Variants in DISC1 observed in about 807,000 individuals in gnomAD.
DISC1 encodes the protein disrupted in schizophrenia 1 protein.
Under a neutral mutation model 84.5 loss-of-function variants are expected in DISC1, and 57 were observed. The ratio of observed to expected loss-of-function variants is 0.67; its 90% CI spans 0.55 to 0.84. The LOEUF (loss-of-function observed/expected upper bound fraction) is 0.84. Among genes scored for constraint, DISC1 ranks in the 40% least tolerant of loss-of-function variants. The pLI is 0.00. For synonymous variants in DISC1, 411 were observed against 415.2 expected (o/e 0.99, Z 0.12); for missense variants, 1,000 against 1,057.8 (o/e 0.95, Z 0.76).
rs1201630832 is a variant in DISC1 at position 231,826,227 on chromosome 1, G to T, written c.1981+7710G>T. On this transcript the variant is annotated intron_variant, in intron 9 of 12. Coordinates refer to ENST00000439617, the MANE Select transcript of DISC1 (RefSeq NM_018662.3). The surrounding 1 kb of genome is among the most constrained non-coding windows in gnomAD (Gnocchi z 4.2). ...CTGTCACAGAGCCTTCAGGGGGCAA[G>T]GCCACCATCTGAATCCCTCTTACCT... Among the ~76,000 whole-genome samples, 1 of 152,160 alleles carries T rather than the reference G, an allele frequency of 6.6e-6. No homozygotes were observed. Among genetic ancestry groups the T allele is most frequent in the African/African-American group, 2.4e-5 (1 of 41,428 alleles).
intron 3 of DISC1, among the ~76,000 whole-genome samples, chr1:231,741,954 A>C (rs2073336950): frequency 6.6e-6 from 1 of 152,082 alleles, no homozygotes; most frequent in African/African-American, 2.4e-5. Context: ...CTGCTCTTTT[A>C]CAATGTGTTC....
chr1:231,950,265 G>A (rs1196712321), intron 9 of DISC1, among the ~76,000 whole-genome samples: 1 of 146,280 alleles, frequency 6.8e-6, no homozygotes, highest in African/African-American at 2.5e-5. Flanking sequence ...ATATTTCAGG[G>A]AAATAACAGG....
chr1:231,756,504 A>G (rs957076591), intron 4 of DISC1, among the ~76,000 whole-genome samples: 5 of 148,240 alleles, frequency 3.4e-5, no homozygotes, highest in African/African-American at 1.2e-4. Context: ...TCACAAACGT[A>G]TATGTGAATA....
At chr1:231,711,203 G>A (rs2067779086) in intron 3 of DISC1, among the ~76,000 whole-genome samples, 1 of 151,668 alleles carries the variant, frequency 6.6e-6, no homozygotes, top group African/African-American at 2.4e-5. Flanking sequence ...ATGCCATGGT[G>A]GACAAACTAT....
chr1:231,693,593 C>T (rs2065296474), intron 1 of DISC1, among the ~76,000 whole-genome samples: 1 of 152,220 alleles, frequency 6.6e-6, no homozygotes, highest in African/African-American at 2.4e-5. Context: ...AGCTGCTCTG[C>T]TAAACCGAGG....
chr1:231,725,937 G>A (rs2070620768), intron 3 of DISC1, among the ~76,000 whole-genome samples: 1 of 152,092 alleles, frequency 6.6e-6, no homozygotes, highest in South Asian at 2.1e-4. Flanking sequence ...GCATTGTTAG[G>A]GAGTGGCAGA....
chr1:231,717,278 A>C (rs763238607), intron 3 of DISC1, among the ~76,000 whole-genome samples: 1 of 152,240 alleles, frequency 6.6e-6, no homozygotes, highest in Non-Finnish European at 1.5e-5. Flanking sequence ...GAAGGTTAAC[A>C]AGGTCTTCAG....
At chr1:231,854,021 C>G (rs1172842609) in intron 9 of DISC1, among the ~76,000 whole-genome samples, 1 of 152,236 alleles carries the variant, frequency 6.6e-6, no homozygotes, top group Non-Finnish European at 1.5e-5. Context: ...GGCCAAGCTG[C>G]TCACCCACCT....
chr1:231,955,773 A>G (rs2102735724), intron 9 of DISC1, among the ~76,000 whole-genome samples: 1 of 152,278 alleles, frequency 6.6e-6, no homozygotes, highest in African/African-American at 2.4e-5. Flanking sequence ...TACAGGTGTG[A>G]GCTACCGCAC....
chr1:231,944,783 A>C (rs953720284), intron 9 of DISC1: 4 of 152,158 alleles, frequency 2.6e-5, no homozygotes, highest in Admixed American at 2.6e-4. Context: ...AAGAAGCGGA[A>C]GTTACAATCC....
chr1:231,695,346 G>A (rs1267129932), intron 2 of DISC1, among the ~76,000 whole-genome samples: 1 of 152,172 alleles, frequency 6.6e-6, no homozygotes, highest in Non-Finnish European at 1.5e-5. Context: ...CAACTCATAG[G>A]ATTGTTCTAA....
At chr1:231,638,919 T>C (rs952991206) in intron 1 of DISC1, among the ~76,000 whole-genome samples, 1 of 152,210 alleles carries the variant, frequency 6.6e-6, no homozygotes, top group Admixed American at 6.5e-5. Context: ...TGTCTTTGTA[T>C]TAGTCTGGGG....
chr1:231,832,865 A>C (rs1201970023), intron 9 of DISC1, among the ~76,000 whole-genome samples: 2 of 145,500 alleles, frequency 1.4e-5, no homozygotes, highest in Admixed American at 6.9e-5. Context: ...AATTATAAGG[A>C]GAGTTTATAG....
intron 10 of DISC1, among the ~76,000 whole-genome samples, chr1:232,005,752 G>A (rs1667344996): frequency 6.6e-6 from 1 of 152,136 alleles, no homozygotes; most frequent in African/African-American, 2.4e-5. Context: ...CAGAGAACTG[G>A]AATATATAAA....
At chr1:231,882,298 CTTCT>C in intron 9 of DISC1, among the ~76,000 whole-genome samples, 1 of 152,204 alleles carries the variant, frequency 6.6e-6, no homozygotes, top group East Asian at 1.9e-4. Flanking sequence ...AAGAAGCATC[CTTCT>C]TTCAGCTGGA....
chr1:231,825,880 T>C (rs567942580), intron 9 of DISC1, among the ~76,000 whole-genome samples: 9 of 152,386 alleles, frequency 5.9e-5, no homozygotes, highest in African/African-American at 2.2e-4. Flanking sequence ...ATAAGTTCTT[T>C]GCAGATTTCT....
chr1:231,728,839 C>CAT (rs942166702), intron 3 of DISC1, among the ~76,000 whole-genome samples: 135 of 152,022 alleles, frequency 8.9e-4, no homozygotes, highest in African/African-American at 2.7e-3. Flanking sequence ...TTTATAGAGG[C>CAT]ATATATATAT....
At chr1:231,922,660 C>G (rs906472642) in intron 9 of DISC1, among the ~76,000 whole-genome samples, 1 of 151,620 alleles carries the variant, frequency 6.6e-6, no homozygotes, top group Non-Finnish European at 1.5e-5. Flanking sequence ...GGAGAGTGAC[C>G]CCACCCAGCC....
chr1:231,736,591 A>C (rs1336573136), intron 3 of DISC1, among the ~76,000 whole-genome samples: 2 of 152,204 alleles, frequency 1.3e-5, no homozygotes, highest in Admixed American at 1.3e-4. Flanking sequence ...AACAAACTCC[A>C]GTGTTCTGAA....
Sources: allele counts gnomAD v4.1 joint callset (sites outside exome capture counted in the v4.1 genomes callset), GRCh38; gene constraint gnomAD v4.1.1; non-coding constraint Gnocchi (gnomAD v3.1); transcripts MANE v1.5; gene names NCBI Gene and HGNC (gene_info 2026-07-23, HGNC 2026-07-21).